DCP2: variants seen among roughly 807,000 people sequenced by gnomAD.
The protein encoded by DCP2 is m7GpppN-mRNA hydrolase.
In DCP2, 30 loss-of-function variants were observed where a neutral mutation model predicts 56.1. The ratio of observed to expected loss-of-function variants is 0.53; its 90% confidence interval spans 0.40 to 0.73. DCP2 has a LOEUF of 0.73. Among genes scored for constraint, DCP2 ranks in the 30% least tolerant of loss-of-function variants. DCP2 has a pLI of 0.00. For synonymous variants in DCP2, 197 were observed against 163.3 expected, an observed-to-expected ratio of 1.21 and a Z score of -1.57; for missense variants, 533 against 502.7, an observed-to-expected ratio of 1.06 and a Z score of -0.58.
At chr5:112,978,070 C>T (rs1445793847) in intron 1 of DCP2, among the ~76,000 whole-genome samples, 9 of 151,942 alleles carry the variant, frequency 5.9e-5, no homozygotes, top group African/African-American at 1.7e-4. Context: ...CTCTGCCTTC[C>T]GGATTCAAAC....
chr5:113,007,862 C>T (rs2150189526), intron 8 of DCP2, 76 bp from the exon 9 acceptor site: 1 of 1,299,448 alleles, frequency 7.7e-7, no homozygotes, highest in South Asian at 1.5e-5. Context: ...ACCAGCTAAA[C>T]ATATTCATGG....
Position 113,021,793 on chromosome 5 carries a change from C to T in DCP2, c.*8309C>T, listed in dbSNP as rs1750154386. 6.6e-6 allele frequency among the ~76,000 whole-genome samples: 1 copy of T among 152,174 alleles called. No individual in the cohort carries two copies. The highest frequency in any genetic ancestry group is 6.5e-5 in the Admixed American group (1 of 15,280). On this transcript the variant is annotated 3_prime_UTR_variant, in exon 11 of 11. Transcript: ENST00000389063. The stretch of plus-strand genomic sequence containing the variant: ...CAAAGCTGCTTGCCATCTTGTTGTC[C>T]TATATGACTTCCTTGCATTTCCAGT...
In DCP2 at chr5:113,006,727, G is replaced by A. The variant is rs78922573; in HGVS notation, c.943-1211G>A. Among the ~76,000 whole-genome samples the A allele has an allele frequency of 9.1e-3, 1,389 of 152,040 alleles. 28 individuals are homozygous for A. Among genetic ancestry groups the A allele is most frequent in the African/African-American group, 0.032 (1,312 of 41,470 alleles). The stretch of plus-strand genomic sequence containing the variant: ...CAACAAATTAATGTTTAAAATGTTC[G>A]TTTTAATTTAAACTTAAGAATTTTT... On this transcript the variant is annotated intron_variant, in intron 8 of 10. Transcript: ENST00000389063.
intron 9 of DCP2, among the ~76,000 whole-genome samples, chr5:113,009,125 G>A (rs930899069): frequency 6.6e-5 from 10 of 152,158 alleles, no homozygotes; most frequent in African/African-American, 4.8e-5. Context: ...GATTACAGGC[G>A]TGAGCCACCG....
rs1041521703 is a variant in DCP2, at chr5:113,020,100, G to A, written c.*6616G>A. On this transcript the variant is annotated 3_prime_UTR_variant, in exon 11 of 11. Coordinates refer to ENST00000389063, the MANE Select transcript of DCP2 (RefSeq NM_152624.6). Reference sequence around the variant, plus strand: ...GGGAGTAAGTTTTAGTCGGAAAAAGGTGAAGATATTTATGCTGAGTTATGT... The same window carrying A: ...GGGAGTAAGTTTTAGTCGGAAAAAGATGAAGATATTTATGCTGAGTTATGT... 3 of 152,202 alleles carry A rather than the reference G, an allele frequency of 2.0e-5. No individual in the cohort carries two copies. The highest frequency in any genetic ancestry group is 7.2e-5 in the African/African-American group (3 of 41,442). 9.4% of individuals were successfully genotyped at this position (152,202 alleles called of 1,614,324 possible).
chr5:113,007,644 G>T (rs966446539), intron 8 of DCP2, among the ~76,000 whole-genome samples: 5 of 151,972 alleles, frequency 3.3e-5, no homozygotes, highest in Non-Finnish European at 7.4e-5. Flanking sequence ...TGATCCGCCC[G>T]CCTCAGCCTC....
chr5:112,981,081 T>A (rs1396195173), intron 1 of DCP2, among the ~76,000 whole-genome samples: 1 of 152,146 alleles, frequency 6.6e-6, no homozygotes, highest in Non-Finnish European at 1.5e-5. Context: ...TGATCATAGC[T>A]CACTGCAACT....
chr5:112,994,163 C>CTT lies in DCP2; in HGVS notation c.432+1417_432+1418dup, dbSNP rs771514208. Among the ~76,000 whole-genome samples the CTT allele has an allele frequency of 4.2e-3, 317 of 75,130 alleles. 5 individuals are homozygous for CTT. Among genetic ancestry groups the CTT allele is most frequent in the African/African-American group, 9.2e-3 (177 of 19,222 alleles). The allele number at this position is 75,130 out of a possible 152,430, so 49.3% of individuals were successfully genotyped here. A position where few individuals can be genotyped will look rare whatever the true frequency, so the allele number is the denominator to read the frequency against. On this transcript the variant is annotated intron_variant, in intron 4 of 10. Transcript: ENST00000389063. ...TTGAAGTTCATTCCTTTTTTTCTTT[C>CTT]TTTTTTTTTTTTTTTTTTTTTTTTT...
In DCP2 at chr5:113,019,297, T is replaced by C. The variant is rs973185395; in HGVS notation, c.*5813T>C. ...ATTTAGAAAGATAATTCTTCAGCAG[T>C]TGGTTGATTAGATGGGTTAGTGCTT... On this transcript the variant is annotated 3_prime_UTR_variant, in exon 11 of 11. Transcript: ENST00000389063. 1.3e-5 allele frequency: 2 copies of C among 152,132 alleles called. No homozygotes were observed. The highest frequency in any genetic ancestry group is 4.8e-5 in the African/African-American group (2 of 41,424). The allele number at this position is 152,132 out of a possible 1,614,324, so 9.4% of individuals were successfully genotyped here. A position where few individuals can be genotyped will look rare whatever the true frequency, so the allele number is the denominator to read the frequency against.
intron 8 of DCP2, among the ~76,000 whole-genome samples, chr5:113,004,319 G>C (rs1050819544): frequency 1.3e-5 from 2 of 152,126 alleles, no homozygotes; most frequent in African/African-American, 4.8e-5. Context: ...GCCAATGAAA[G>C]GTTCATTTAA....
intron 9 of DCP2, among the ~76,000 whole-genome samples, chr5:113,009,373 G>A (rs560820805): frequency 6.6e-6 from 1 of 152,244 alleles, no homozygotes; most frequent in Admixed American, 6.5e-5. Flanking sequence ...AAATAAAAGG[G>A]ACTGATAAAC....
At chr5:112,983,776 A>G (rs1748121302) in intron 1 of DCP2, among the ~76,000 whole-genome samples, 1 of 152,240 alleles carries the variant, frequency 6.6e-6, no homozygotes, top group South Asian at 2.1e-4. Context: ...TAAAAAGAAA[A>G]AAAATCTGAA....
At chr5:112,983,632 A>G (rs1164432352) in intron 1 of DCP2, among the ~76,000 whole-genome samples, 1 of 152,188 alleles carries the variant, frequency 6.6e-6, no homozygotes, top group Non-Finnish European at 1.5e-5. Flanking sequence ...GTGGATCAAA[A>G]ATAGACACTG....
chr5:113,017,009 TTC>T lies in DCP2; in HGVS notation c.*3527_*3528del, dbSNP rs1187560547. On this transcript the variant is annotated 3_prime_UTR_variant, in exon 11 of 11. Coordinates refer to ENST00000389063, the MANE Select transcript of DCP2 (RefSeq NM_152624.6). ...GGCATGCGCCACCACGCCCTGCTAA[TTC>T]TGTCTTTTTAGTAGAGACGGGGTTT... is the stretch of plus-strand genomic sequence containing the variant. 6.6e-6 allele frequency: 1 copy of T among 152,320 alleles called. No individual in the cohort carries two copies. The highest frequency in any genetic ancestry group is 2.4e-5 in the African/African-American group (1 of 41,548). The allele number at this position is 152,320 out of a possible 1,614,324, so 9.4% of individuals were successfully genotyped here.
chr5:112,998,299 C>CT (rs1455023208), intron 4 of DCP2, among the ~76,000 whole-genome samples: 1 of 152,088 alleles, frequency 6.6e-6, no homozygotes, highest in Admixed American at 6.6e-5. Flanking sequence ...AACAGAAGGC[C>CT]TTTTTTCTTC....
intron 10 of DCP2, 146 bp from the exon 11 acceptor site, chr5:113,013,175 A>G (rs1749749522): frequency 2.9e-6 from 2 of 685,510 alleles, no homozygotes; most frequent in Non-Finnish European, 4.4e-6. Context: ...AGGAAAATAC[A>G]TATTTTGGTG....
intron 1 of DCP2, among the ~76,000 whole-genome samples, chr5:112,982,178 T>C (rs545055962): frequency 1.5e-5 from 2 of 134,684 alleles, no homozygotes; most frequent in East Asian, 4.0e-4. Context: ...GTTGTACATG[T>C]ACTCCTCTCT....
At chr5:113,002,335 A>G (rs1204853114) in intron 7 of DCP2, among the ~76,000 whole-genome samples, 1 of 151,600 alleles carries the variant, frequency 6.6e-6, no homozygotes, top group Non-Finnish European at 1.5e-5. Flanking sequence ...AGGCAGGAGA[A>G]TGGCTTAAAC....
At chr5:113,004,991 G>T (rs1749350896) in intron 8 of DCP2, among the ~76,000 whole-genome samples, 1 of 151,920 alleles carries the variant, frequency 6.6e-6, no homozygotes, top group Non-Finnish European at 1.5e-5. Context: ...TGGGCGTGGT[G>T]GCGGGCTCCT....
Sources: allele counts gnomAD v4.1 joint callset (sites outside exome capture counted in the v4.1 genomes callset), GRCh38; gene constraint gnomAD v4.1.1; transcripts MANE v1.5; gene names NCBI Gene and HGNC (gene_info 2026-07-23, HGNC 2026-07-21).